The following SCFD2 variants were observed in gnomAD, a reference collection of about 807,000 sequenced individuals.
SCFD2 encodes sec1 family domain-containing protein 2.
SCFD2 carries 54 observed loss-of-function variants against 58.9 expected under a neutral mutation model. The observed-to-expected ratio is 0.92, with a 90% CI of 0.74 to 1.15. The LOEUF is 1.15. Ranked by LOEUF, SCFD2 falls within the 50% of genes most tolerant of loss-of-function variation. The pLI is 0.00. For synonymous variants in SCFD2, 321 were observed against 335.9 expected, an observed-to-expected ratio of 0.96 and a Z score of 0.49; for missense variants, 805 against 836.6, an observed-to-expected ratio of 0.96 and a Z score of 0.47.
intron 5 of SCFD2, among the ~76,000 whole-genome samples, chr4:52,998,171 G>T (rs1721785906): frequency 6.6e-6 from 1 of 152,106 alleles, no homozygotes; most frequent in African/African-American, 2.4e-5. Context: ...CATTGGCAAG[G>T]CCTGGGATAA....
intron 5 of SCFD2, among the ~76,000 whole-genome samples, chr4:53,094,198 A>G (rs1007819414): frequency 6.6e-6 from 1 of 152,110 alleles, no homozygotes; most frequent in Non-Finnish European, 1.5e-5. Context: ...ACTGTGCATC[A>G]CATTCCATCC....
intron 4 of SCFD2, among the ~76,000 whole-genome samples, chr4:53,185,597 AT>A (rs1266013983): frequency 6.6e-6 from 1 of 152,046 alleles, no homozygotes; most frequent in Non-Finnish European, 1.5e-5. Flanking sequence ...ATCAAATATA[AT>A]TTTTTAAAAC....
chr4:52,893,815 G>A (rs1718937738), intron 7 of SCFD2, among the ~76,000 whole-genome samples: 1 of 152,148 alleles, frequency 6.6e-6, no homozygotes, highest in South Asian at 2.1e-4. Context: ...TCTCATGCAG[G>A]GCAGAATGGG....
intron 2 of SCFD2, among the ~76,000 whole-genome samples, chr4:53,327,973 A>G (rs1411899826): frequency 6.6e-6 from 1 of 152,050 alleles, no homozygotes; most frequent in Admixed American, 6.5e-5. Flanking sequence ...TACTAAAAAT[A>G]CAAAAAAAAG....
At chr4:52,938,579 C>T (rs1052083927) in intron 5 of SCFD2, among the ~76,000 whole-genome samples, 13 of 152,126 alleles carry the variant, frequency 8.5e-5, no homozygotes, top group Non-Finnish European at 1.9e-4. Context: ...TACTAACAAG[C>T]AGAGGTCTGT....
intron 5 of SCFD2, among the ~76,000 whole-genome samples, chr4:53,037,369 G>C (rs1177081450): frequency 6.6e-6 from 1 of 152,030 alleles, no homozygotes; most frequent in Non-Finnish European, 1.5e-5. Flanking sequence ...TTGCATAAGA[G>C]ACTTTCATTT....
At chr4:53,061,974 T>C (rs1191221955) in intron 5 of SCFD2, among the ~76,000 whole-genome samples, 1 of 152,108 alleles carries the variant, frequency 6.6e-6, no homozygotes, top group African/African-American at 2.4e-5. Context: ...CACATCCAGA[T>C]GTGATGGCAG....
At chr4:52,963,740 C>T (rs569064851) in intron 5 of SCFD2, among the ~76,000 whole-genome samples, 1 of 152,128 alleles carries the variant, frequency 6.6e-6, no homozygotes, top group Non-Finnish European at 1.5e-5. Flanking sequence ...ATTTGGTGAG[C>T]AACAGCCTAC....
chr4:53,213,197 C>CT (rs2148983574), intron 4 of SCFD2, among the ~76,000 whole-genome samples: 1 of 152,148 alleles, frequency 6.6e-6, no homozygotes, highest in East Asian at 1.9e-4. Context: ...GCATATAAGA[C>CT]TTTAAATACA....
chr4:52,971,919 C>A (rs953043840), intron 5 of SCFD2, among the ~76,000 whole-genome samples: 3 of 152,244 alleles, frequency 2.0e-5, no homozygotes, highest in African/African-American at 4.8e-5. Flanking sequence ...CCAAACTAAG[C>A]TTCATAAGTG....
At chr4:53,332,690 G>C (rs1398870256) in intron 2 of SCFD2, among the ~76,000 whole-genome samples, 1 of 152,062 alleles carries the variant, frequency 6.6e-6, no homozygotes, top group Non-Finnish European at 1.5e-5. Flanking sequence ...ACTGGCACAA[G>C]ACAGGGATGC....
At chr4:53,353,534 G>A (rs114945409) in intron 1 of SCFD2, among the ~76,000 whole-genome samples, 424 of 152,236 alleles carry the variant, frequency 2.8e-3, no homozygotes, top group African/African-American at 9.5e-3. Context: ...TGAGTGGTCC[G>A]TTTTACAGAG....
intron 5 of SCFD2, among the ~76,000 whole-genome samples, chr4:52,951,745 T>A (rs1199585914): frequency 1.3e-5 from 2 of 152,192 alleles, no homozygotes; most frequent in Non-Finnish European, 2.9e-5. Flanking sequence ...CTCAAGATGG[T>A]GCAGCTTTGA....
chr4:53,242,914 C>T (rs920418235), intron 4 of SCFD2, among the ~76,000 whole-genome samples: 1 of 151,974 alleles, frequency 6.6e-6, no homozygotes, highest in Admixed American at 6.5e-5. Flanking sequence ...CTGAAATAAG[C>T]CAGTCAGACA....
At chr4:52,974,829 C>A (rs560901222) in intron 5 of SCFD2, among the ~76,000 whole-genome samples, 1 of 151,660 alleles carries the variant, frequency 6.6e-6, no homozygotes, top group African/African-American at 2.4e-5. Flanking sequence ...GAGATATAGA[C>A]CAATGGAACA....
At chr4:53,179,981 G>T (rs552293889) in intron 4 of SCFD2, among the ~76,000 whole-genome samples, 3 of 152,218 alleles carry the variant, frequency 2.0e-5, no homozygotes, top group East Asian at 3.9e-4. Context: ...CCCAATACAG[G>T]AGCATCCAGA....
intron 4 of SCFD2, among the ~76,000 whole-genome samples, chr4:53,224,340 G>T (rs1249562808): frequency 1.4e-5 from 2 of 145,614 alleles, no homozygotes; most frequent in Non-Finnish European, 3.0e-5. Flanking sequence ...AGTGAGCCGA[G>T]ATCACCCCAC....
At chr4:53,084,847 G>A (rs555995324) in intron 5 of SCFD2, among the ~76,000 whole-genome samples, 2 of 152,238 alleles carry the variant, frequency 1.3e-5, no homozygotes, top group Middle Eastern at 3.4e-3. Context: ...ATTCCTTCAT[G>A]ATAAGATACC....
At chr4:52,922,587 T>C (rs1719766572) in intron 5 of SCFD2, among the ~76,000 whole-genome samples, 1 of 152,252 alleles carries the variant, frequency 6.6e-6, no homozygotes, top group Non-Finnish European at 1.5e-5. Context: ...GTGGAAATAG[T>C]ATATTTTATA....
Sources: gnomAD v4.1 joint callset for allele counts (sites outside exome capture counted in the v4.1 genomes callset) on GRCh38, gnomAD v4.1.1 for gene constraint, MANE v1.5 for transcripts, NCBI Gene and HGNC (gene_info 2026-07-23, HGNC 2026-07-21) for gene names.